ADGRV1: variants seen among roughly 807,000 people sequenced by gnomAD.
The protein encoded by ADGRV1 is G-protein coupled receptor 98.
A neutral mutation model predicts 596.2 loss-of-function variants in ADGRV1; 359 were observed. The ratio of observed to expected loss-of-function variants is 0.60; its 90% CI spans 0.55 to 0.66. The LOEUF (loss-of-function observed/expected upper bound fraction) is 0.66. Ranked by LOEUF, ADGRV1 falls within the 30% of genes least tolerant of loss-of-function variation. ADGRV1 has a pLI of 0.00. For missense variants in ADGRV1, 7,274 were observed against 7,575.6 expected, an observed-to-expected ratio of 0.96 and a Z score of 1.48; for synonymous variants, 2,681 against 2,679.2, an observed-to-expected ratio of 1.00 and a Z score of -0.02.
chr5:90,795,145 C>T (rs1760547853), intron 70 of ADGRV1, among the ~76,000 whole-genome samples: 1 of 141,832 alleles, frequency 7.1e-6, no homozygotes, highest in Non-Finnish European at 1.5e-5. Flanking sequence ...GCCAGCGAGA[C>T]AGAACCGTTC....
chr5:91,024,005 A>ATTAAAT (rs1783838096), intron 85 of ADGRV1, among the ~76,000 whole-genome samples: 1 of 152,172 alleles, frequency 6.6e-6, no homozygotes, highest in East Asian at 1.9e-4. Context: ...ACTTTTTAAA[A>ATTAAAT]GTAGTACTAA....
At chr5:90,828,286 AAC>A (rs1171616413) in intron 76 of ADGRV1, among the ~76,000 whole-genome samples, 1 of 152,076 alleles carries the variant, frequency 6.6e-6, no homozygotes, top group Non-Finnish European at 1.5e-5. Context: ...ATTTATTTAA[AAC>A]ACTTTAAAAA....
intron 85 of ADGRV1, among the ~76,000 whole-genome samples, chr5:91,040,714 T>C (rs2048217): frequency 0.36 from 54,810 of 152,082 alleles, 10,025 homozygotes; most frequent in East Asian, 0.51. Flanking sequence ...TTTCCAGTTA[T>C]CTGCAATTTT....
intron 1 of ADGRV1, among the ~76,000 whole-genome samples, chr5:90,606,364 G>A (rs1211920170): frequency 6.6e-6 from 1 of 152,128 alleles, no homozygotes; most frequent in East Asian, 1.9e-4. Flanking sequence ...AAATAAGCAT[G>A]TCTTGAGGGT....
intron 59 of ADGRV1, 66 bp from the exon 60 acceptor site, chr5:90,774,120 A>G (rs751564439): frequency 9.2e-6 from 7 of 764,254 alleles, no homozygotes; most frequent in Non-Finnish European, 1.5e-5. Flanking sequence ...TATTCTGCTA[A>G]TGACAACATT....
intron 50 of ADGRV1, among the ~76,000 whole-genome samples, chr5:90,743,027 A>G (rs1014219532): frequency 3.9e-5 from 6 of 152,168 alleles, no homozygotes; most frequent in African/African-American, 1.2e-4. Context: ...TACTGATTAT[A>G]GAGTTTAGAG....
At chr5:90,899,755 A>G (rs1297944829) in intron 83 of ADGRV1, among the ~76,000 whole-genome samples, 10 of 151,986 alleles carry the variant, frequency 6.6e-5, no homozygotes, top group Non-Finnish European at 1.3e-4. Flanking sequence ...AACCTATCAT[A>G]CCTTCCAGAC....
rs201296860 is a variant in ADGRV1 at position 90,653,204 on chromosome 5, T to C, written c.3635-5T>C. 6 of 1,596,278 alleles carry C rather than the reference T, an allele frequency of 3.8e-6. No homozygotes were observed. The highest frequency in any genetic ancestry group is 5.1e-6 in the Non-Finnish European group (6 of 1,169,906). ...GTTTCTCACTCATAAATTTTCTTGT[T>C]ACAGGTGGATCCCCAGGTCCTGGGG... is the stretch of plus-strand genomic sequence containing the variant. On this transcript the variant is annotated splice_polypyrimidine_tract_variant and splice_region_variant and intron_variant, in intron 19 of 89. Coordinates refer to ENST00000405460, the MANE Select transcript of ADGRV1 (RefSeq NM_032119.4).
chr5:91,032,377 T>A (rs1784550902), intron 85 of ADGRV1, among the ~76,000 whole-genome samples: 1 of 152,206 alleles, frequency 6.6e-6, no homozygotes, highest in Non-Finnish European at 1.5e-5. Flanking sequence ...ATGATGCTAT[T>A]GTGATGTAAA....
At chr5:90,667,129 C>G (rs1384608467) in intron 21 of ADGRV1, among the ~76,000 whole-genome samples, 5 of 150,386 alleles carry the variant, frequency 3.3e-5, no homozygotes, top group African/African-American at 9.8e-5. Flanking sequence ...GTGGCGTTCT[C>G]TGTATTTCCT....
chr5:90,760,671 C>A (rs1053024834), intron 58 of ADGRV1, among the ~76,000 whole-genome samples: 13 of 152,210 alleles, frequency 8.5e-5, no homozygotes, highest in Middle Eastern at 3.4e-3. Context: ...CACCCCCCAC[C>A]CAGCTCATGT....
intron 1 of ADGRV1, among the ~76,000 whole-genome samples, chr5:90,567,055 A>T (rs1341549713): frequency 6.6e-6 from 1 of 152,050 alleles, no homozygotes; most frequent in African/African-American, 2.4e-5. Flanking sequence ...TTTTGAGATG[A>T]TCATGTGATT....
Position 91,114,451 on chromosome 5 carries a change from C to T in ADGRV1, c.18432+12111C>T, listed in dbSNP as rs150387176. Among the ~76,000 whole-genome samples the T allele has an allele frequency of 9.8e-3, 1,491 of 151,842 alleles. 20 individuals are homozygous for T. Among genetic ancestry groups the T allele is most frequent in the African/African-American group, 0.034 (1,409 of 41,368 alleles). ...CTGAGGCAGGAGAATTTCTTGAACC[C>T]AGGAAGCGGAGGTTGCAGTGAGCCA... On this transcript the variant is annotated intron_variant, in intron 87 of 89. Transcript: ENST00000405460.
At chr5:91,126,016 A>G (rs1008409338) in intron 87 of ADGRV1, among the ~76,000 whole-genome samples, 3 of 152,194 alleles carry the variant, frequency 2.0e-5, no homozygotes, top group African/African-American at 7.2e-5. Context: ...TCTAGTTTAT[A>G]GTAACATCTT....
At chr5:91,143,407 T>C (rs1795267061) in intron 87 of ADGRV1, among the ~76,000 whole-genome samples, 1 of 151,934 alleles carries the variant, frequency 6.6e-6, no homozygotes, top group Non-Finnish European at 1.5e-5. Flanking sequence ...TGCAGACAAG[T>C]GGGAGATGAG....
intron 83 of ADGRV1, among the ~76,000 whole-genome samples, chr5:90,916,727 G>C (rs1194419115): frequency 6.9e-6 from 1 of 145,408 alleles, no homozygotes; most frequent in African/African-American, 2.5e-5. Context: ...CCGCCTCCCG[G>C]GTTCACGCCA....
intron 85 of ADGRV1, among the ~76,000 whole-genome samples, chr5:90,993,326 T>C (rs1233759267): frequency 6.6e-6 from 1 of 151,880 alleles, no homozygotes; most frequent in Non-Finnish European, 1.5e-5. Flanking sequence ...GCACAGCTAG[T>C]TTTTGTGTTA....
chr5:90,864,091 C>T (rs1472551988), intron 83 of ADGRV1, among the ~76,000 whole-genome samples: 1 of 151,696 alleles, frequency 6.6e-6, no homozygotes, highest in African/African-American at 2.4e-5. Context: ...AAAAAAACTT[C>T]TTATCACAAA....
chr5:90,864,425 T>C (rs1378074115), intron 83 of ADGRV1, among the ~76,000 whole-genome samples: 1 of 152,200 alleles, frequency 6.6e-6, no homozygotes, highest in Non-Finnish European at 1.5e-5. Flanking sequence ...TGAAATTAGA[T>C]GCTTTTTCTA....
Sources: allele counts gnomAD v4.1 joint callset (sites outside exome capture counted in the v4.1 genomes callset), GRCh38; gene constraint gnomAD v4.1.1; transcripts MANE v1.5; gene names NCBI Gene and HGNC (gene_info 2026-07-23, HGNC 2026-07-21).